Variants in HECW1 observed in about 807,000 individuals in gnomAD.
The protein encoded by HECW1 is HECT, C2 and WW domain containing E3 ubiquitin protein ligase 1.
A neutral mutation model predicts 182.3 loss-of-function variants in HECW1; 61 were observed. The observed-to-expected ratio is 0.33, with a 90% confidence interval of 0.27 to 0.41. HECW1 has a LOEUF of 0.41. Among genes scored for constraint, HECW1 ranks in the 10% least tolerant of loss-of-function variants. HECW1 has a pLI of 1.00. For missense variants in HECW1, 1,739 were observed against 2,108.9 expected (o/e 0.82, Z 3.44); for synonymous variants, 859 against 832.6 (o/e 1.03, Z -0.55).
chr7:43,463,189 T>C (rs1201010588), intron 13 of HECW1, among the ~76,000 whole-genome samples: 1 of 152,234 alleles, frequency 6.6e-6, no homozygotes, highest in East Asian at 1.9e-4. Flanking sequence ...GCCAGCATGC[T>C]ATCAGATGTA....
intron 2 of HECW1, among the ~76,000 whole-genome samples, chr7:43,153,950 T>A (rs1189947935): frequency 6.8e-6 from 1 of 147,604 alleles, no homozygotes; most frequent in Admixed American, 6.7e-5. Context: ...AAGATTGTAA[T>A]TTTTTTTTTG....
chr7:43,354,119 T>C (rs1584595332), intron 5 of HECW1, among the ~76,000 whole-genome samples: 1 of 147,730 alleles, frequency 6.8e-6, no homozygotes, highest in South Asian at 2.1e-4. Context: ...TTATTTATAG[T>C]AGGGGAAAAA....
chr7:43,445,269 C>CACGTCCT lies in HECW1; in HGVS notation c.2097_2098insACGTCCT (p.Ala700ThrfsTer60). On this transcript the variant is annotated frameshift_variant, in exon 11 of 30. Transcript: ENST00000395891. LOFTEE classifies it high-confidence loss of function. Reference sequence around the variant, plus strand: ...CCTGCTACAGCAGCTCGTGCTACAGCGCCTCGTGCTACAGCCCCTCCTGCT... The same window carrying CACGTCCT: ...CCTGCTACAGCAGCTCGTGCTACAGCACGTCCTGCCTCGTGCTACAGCCCCTCCTGCT... 1 of 1,612,886 alleles carries CACGTCCT rather than the reference C, an allele frequency of 6.2e-7. No individual in the cohort carries two copies. The highest frequency in any genetic ancestry group is 8.5e-7 in the Non-Finnish European group (1 of 1,179,212).
At chr7:43,484,395 G>A (rs2078551053) in intron 17 of HECW1, 1 of 152,204 alleles carries the variant, frequency 6.6e-6, no homozygotes, top group African/African-American at 2.4e-5. Context: ...GGAAATATGA[G>A]ACTCAGCAAT....
intron 3 of HECW1, among the ~76,000 whole-genome samples, chr7:43,298,773 G>A (rs1009666557): frequency 1.3e-5 from 2 of 152,130 alleles, no homozygotes; most frequent in Non-Finnish European, 2.9e-5. Context: ...CAGGGGCCTC[G>A]CTGCAATGAG....
chr7:43,260,086 A>T (rs1281615060), intron 3 of HECW1, among the ~76,000 whole-genome samples: 1 of 152,250 alleles, frequency 6.6e-6, no homozygotes, highest in Non-Finnish European at 1.5e-5. Context: ...GATATGTTGC[A>T]TATAGAGGAA....
chr7:43,355,114 G>A (rs1814950399), intron 5 of HECW1, among the ~76,000 whole-genome samples: 1 of 150,992 alleles, frequency 6.6e-6, no homozygotes. Flanking sequence ...TTATTTCCCA[G>A]AGAAACAAAG....
chr7:43,352,980 T>G (rs1210360009), intron 5 of HECW1, among the ~76,000 whole-genome samples: 1 of 152,142 alleles, frequency 6.6e-6, no homozygotes, highest in Admixed American at 6.6e-5. Flanking sequence ...ATTTTCTCCT[T>G]TCTTTAAGTG....
chr7:43,300,186 T>C (rs1019994943), intron 3 of HECW1, among the ~76,000 whole-genome samples: 2 of 152,256 alleles, frequency 1.3e-5, no homozygotes, highest in Non-Finnish European at 1.5e-5. Context: ...GCCTATTCTA[T>C]ACATATATTG....
chr7:43,532,669 C>G (rs1190973353), intron 24 of HECW1, among the ~76,000 whole-genome samples: 2 of 152,190 alleles, frequency 1.3e-5, no homozygotes, highest in African/African-American at 4.8e-5. Context: ...TCCAGGAGCT[C>G]ACTCTTTTTC....
chr7:43,462,248 C>T (rs752811875), intron 13 of HECW1, among the ~76,000 whole-genome samples: 6 of 152,044 alleles, frequency 3.9e-5, no homozygotes, highest in Non-Finnish European at 7.4e-5. Flanking sequence ...GACAAAAAGT[C>T]TCCAGGAAAG....
chr7:43,259,913 T>C (rs1471565341), intron 3 of HECW1, among the ~76,000 whole-genome samples: 4 of 152,114 alleles, frequency 2.6e-5, no homozygotes, highest in Non-Finnish European at 4.4e-5. Context: ...AAATAACAGC[T>C]GAAATATATG....
At chr7:43,238,529 G>C (rs747347575) in intron 2 of HECW1, among the ~76,000 whole-genome samples, 1 of 152,194 alleles carries the variant, frequency 6.6e-6, no homozygotes, top group Non-Finnish European at 1.5e-5. Flanking sequence ...TACAAACAAG[G>C]ATGGCTCCCT....
chr7:43,307,154 C>A (rs1807682710), intron 3 of HECW1, among the ~76,000 whole-genome samples: 1 of 152,154 alleles, frequency 6.6e-6, no homozygotes, highest in African/African-American at 2.4e-5. Context: ...AAATTGCTCT[C>A]AGAGGCTCAC....
At chr7:43,367,842 A>C (rs924055667) in intron 6 of HECW1, among the ~76,000 whole-genome samples, 2 of 152,172 alleles carry the variant, frequency 1.3e-5, no homozygotes, top group East Asian at 1.9e-4. Flanking sequence ...TCTAGCTGAG[A>C]ATCCACATCA....
intron 16 of HECW1, among the ~76,000 whole-genome samples, chr7:43,469,487 C>T (rs1012003216): frequency 1.3e-5 from 2 of 152,170 alleles, no homozygotes; most frequent in African/African-American, 4.8e-5. Flanking sequence ...AGCTAACTCT[C>T]AGGGGATGAA....
At position 43,501,062 on chromosome 7, in the gene HECW1, A is replaced by AT. The variant is rs2079332359; in HGVS notation, c.3522-151_3522-150insT. The AT allele has an allele frequency of 4.9e-6, 3 of 609,918 alleles. No individual in the cohort carries two copies. The East Asian group carries it at 8.2e-5, about 17-fold the overall frequency. The allele number at this position is 609,918 out of a possible 1,614,324, so 37.8% of individuals were successfully genotyped here. Reference sequence around the variant, plus strand: ...CACTGAGAATTTGCAAGCAGCATGTACCTATCTTTCTGTACTACATTTAAA... The same window carrying AT: ...CACTGAGAATTTGCAAGCAGCATGTATCCTATCTTTCTGTACTACATTTAAA... On this transcript the variant is annotated intron_variant, in intron 20 of 29. Transcript: ENST00000395891.
intron 17 of HECW1, among the ~76,000 whole-genome samples, chr7:43,480,371 CT>C (rs1461053785): frequency 6.6e-6 from 1 of 152,052 alleles, no homozygotes; most frequent in East Asian, 1.9e-4. Context: ...AAACATAGCT[CT>C]TTTTTTGCTC....
At chr7:43,139,703 A>T (rs1207896854) in intron 2 of HECW1, among the ~76,000 whole-genome samples, 1 of 152,130 alleles carries the variant, frequency 6.6e-6, no homozygotes, top group Non-Finnish European at 1.5e-5. Flanking sequence ...ACAATTTTAT[A>T]TTGTTCCCGG....
Sources: gnomAD v4.1 joint callset for allele counts (sites outside exome capture counted in the v4.1 genomes callset) on GRCh38, gnomAD v4.1.1 for gene constraint, MANE v1.5 for transcripts, NCBI Gene and HGNC (gene_info 2026-07-23, HGNC 2026-07-21) for gene names.